The following HSF2BP variants were observed in gnomAD, a reference collection of about 807,000 sequenced individuals.
HSF2BP encodes heat shock transcription factor 2 binding protein.
In HSF2BP, 35 loss-of-function variants were observed where a neutral mutation model predicts 35.0. That is an observed-to-expected ratio of 1.00 (90% CI 0.76 to 1.32). HSF2BP has a LOEUF of 1.32. HSF2BP is among the 40% of genes most tolerant of loss of function. HSF2BP has a pLI of 0.00. For missense variants in HSF2BP, 326 were observed against 321.7 expected (o/e 1.01, Z -0.10); for synonymous variants, 114 against 117.4 (o/e 0.97, Z 0.18).
rs112090349 is a variant in HSF2BP at position 43,597,478 on chromosome 21, A to T, written c.693-5150T>A. On this transcript the variant is annotated intron_variant, in intron 7 of 8. Transcript: ENST00000291560. This position sits in a 1 kb window ranked among gnomAD's most constrained non-coding sequence, Gnocchi z 4.3. ...TTTTAAAAATGTAATGCAATATTTT[A>T]AAAAAATATATTAAAAATGCCCTAA... Among the ~76,000 whole-genome samples, 1,338 of 152,268 alleles carry T rather than the reference A, an allele frequency of 8.8e-3. 26 individuals carry two copies. Among genetic ancestry groups the T allele is most frequent in the African/African-American group, 0.029 (1,210 of 41,552 alleles).
intron 5 of HSF2BP, 146 bp downstream of exon 5, chr21:43,633,126 G>A (rs2147022478): frequency 1.0e-5 from 8 of 785,618 alleles, no homozygotes; most frequent in South Asian, 2.3e-5. Flanking sequence ...AACCATATAC[G>A]ATAAGTATTC....
At chr21:43,638,802 C>T (rs192190380) in intron 4 of HSF2BP, among the ~76,000 whole-genome samples, 88 of 152,278 alleles carry the variant, frequency 5.8e-4, no homozygotes, top group African/African-American at 2.0e-3. Flanking sequence ...CATAAACAAG[C>T]TTACTCTAAA....
intron 7 of HSF2BP, among the ~76,000 whole-genome samples, chr21:43,613,577 C>A (rs2082234793): frequency 6.6e-6 from 1 of 152,192 alleles, no homozygotes; most frequent in Admixed American, 6.5e-5. Context: ...TTCATTTTGA[C>A]ATACCCATGA....
chr21:43,620,547 T>G (rs1033667845), intron 6 of HSF2BP, among the ~76,000 whole-genome samples: 1 of 152,046 alleles, frequency 6.6e-6, no homozygotes, highest in African/African-American at 2.4e-5. Flanking sequence ...CATAAAAAAT[T>G]AGCCAAGCAC....
chr21:43,627,024 C>G (rs532921880), intron 6 of HSF2BP, among the ~76,000 whole-genome samples: 1 of 152,022 alleles, frequency 6.6e-6, no homozygotes. Context: ...TGCGCCACCA[C>G]GCCTGGCTAA....
At chr21:43,633,532 T>A in intron 4 of HSF2BP, 111 bp from the exon 5 acceptor site, 3 of 995,580 alleles carry the variant, frequency 3.0e-6, no homozygotes, top group Non-Finnish European at 4.2e-6. Context: ...TGTATAATTA[T>A]AGAAAATAGT....
chr21:43,578,986 A>AC (rs1568881557), intron 8 of HSF2BP, among the ~76,000 whole-genome samples: 1 of 152,226 alleles, frequency 6.6e-6, no homozygotes, highest in Non-Finnish European at 1.5e-5. Context: ...GTTTTTCTTA[A>AC]CAATTTCAGC....
chr21:43,636,894 C>CAAAAAAAAAAAAAAAA (rs34578952), intron 4 of HSF2BP, among the ~76,000 whole-genome samples: 8 of 112,028 alleles, frequency 7.1e-5, no homozygotes, highest in Non-Finnish European at 1.1e-4. Flanking sequence ...CGTCTCAAAA[C>CAAAAAAAAAAAAAAAA]AAAAAAAAAA....
intron 7 of HSF2BP, among the ~76,000 whole-genome samples, chr21:43,601,650 A>C (rs958964515): frequency 6.6e-6 from 1 of 152,156 alleles, no homozygotes; most frequent in African/African-American, 2.4e-5. Flanking sequence ...ACAGAGACCA[A>C]TTCAGTGGCT....
chr21:43,467,846 TACACACC>T, the HSF2BP span, among the ~76,000 whole-genome samples: 52 of 22,588 alleles, frequency 2.3e-3, no homozygotes, highest in African/African-American at 7.6e-3. Context: ...ACACACCACA[TACACACC>T]ACACACCACA....
chr21:43,657,249 A>G (rs1320825318), intron 2 of HSF2BP, among the ~76,000 whole-genome samples: 1 of 152,206 alleles, frequency 6.6e-6, no homozygotes, highest in Non-Finnish European at 1.5e-5. Flanking sequence ...CGGCGCCTGT[A>G]CGCAGCAGGC....
intron 4 of HSF2BP, among the ~76,000 whole-genome samples, chr21:43,636,908 A>AAAAAAAG (rs2082568732): frequency 1.3e-5 from 2 of 151,606 alleles, no homozygotes; most frequent in Admixed American, 1.3e-4. Flanking sequence ...AAAAAAAAAA[A>AAAAAAAG]AAAAAAGAAA....
Position 43,589,268 on chromosome 21 carries a change from C to T in HSF2BP, c.796+2957G>A, listed in dbSNP as rs553083603. ...CCTCTAAGGATGTCTGCTATACACACATCCTTGAAAAGCTAGCCAGAAACA... is the reference window on the plus strand; with the variant it reads ...CCTCTAAGGATGTCTGCTATACACATATCCTTGAAAAGCTAGCCAGAAACA... On this transcript the variant is annotated intron_variant, in intron 8 of 8. Transcript: ENST00000291560. Among the ~76,000 whole-genome samples the T allele has an allele frequency of 5.3e-5, 8 of 152,318 alleles. No homozygotes were observed. The East Asian group carries it at 1.5e-3, about 29-fold the overall frequency.
intron 7 of HSF2BP, among the ~76,000 whole-genome samples, chr21:43,601,658 G>T (rs1300355765): frequency 6.6e-6 from 1 of 152,106 alleles, no homozygotes; most frequent in Non-Finnish European, 1.5e-5. Context: ...CAATTCAGTG[G>T]CTGGTAAGCA....
At chr21:43,632,816 G>A (rs187210843) in intron 5 of HSF2BP, among the ~76,000 whole-genome samples, 98 of 152,188 alleles carry the variant, frequency 6.4e-4, no homozygotes, top group Non-Finnish European at 1.1e-3. Flanking sequence ...GTGGCTTTTC[G>A]ACTGTGCAGG....
chr21:43,637,222 T>C (rs73367843), intron 4 of HSF2BP, among the ~76,000 whole-genome samples: 10,594 of 152,248 alleles, frequency 0.07, 726 homozygotes, highest in African/African-American at 0.17. Context: ...CAATGGAATA[T>C]TGTTTTGCAA....
At chr21:43,496,680 AGCCTCG>A in the HSF2BP span, among the ~76,000 whole-genome samples, 1 of 109,844 alleles carries the variant, frequency 9.1e-6, no homozygotes, top group Non-Finnish European at 2.0e-5. Flanking sequence ...AGCTCGCTGT[AGCCTCG>A]ACCTTCTGGG....
At chr21:43,620,588 A>G (rs2082320052) in intron 6 of HSF2BP, among the ~76,000 whole-genome samples, 1 of 152,162 alleles carries the variant, frequency 6.6e-6, no homozygotes. Context: ...TTACCTACTC[A>G]GGAGGCTGAG....
chr21:43,573,180 C>T lies in HSF2BP; in HGVS notation c.796+19045G>A, dbSNP rs567450833. 3.3e-5 allele frequency among the ~76,000 whole-genome samples: 5 copies of T among 152,316 alleles called. No individual in the cohort carries two copies. The South Asian group carries it at 1.0e-3, about 32-fold the overall frequency. ...GAAAAAGCAGGGTTTGATCCTGGCT[C>T]CCCTGTCTACTAGCTCTTTGACCAC... is the stretch of plus-strand genomic sequence containing the variant. On this transcript the variant is annotated intron_variant, in intron 8 of 8. Transcript: ENST00000291560.
Sources: gnomAD v4.1 joint callset for allele counts (sites outside exome capture counted in the v4.1 genomes callset) on GRCh38, gnomAD v4.1.1 for gene constraint, Gnocchi (gnomAD v3.1) non-coding constraint, MANE v1.5 for transcripts, NCBI Gene and HGNC (gene_info 2026-07-23, HGNC 2026-07-21) for gene names.